Variants in FERMT1 observed in about 807,000 individuals in gnomAD.
The protein encoded by FERMT1 is FERM domain containing kindlin 1, also known as fermitin family homolog 1.
FERMT1 carries 60 observed loss-of-function variants against 85.3 expected under a neutral mutation model. The ratio of observed to expected loss-of-function variants is 0.70; its 90% CI spans 0.57 to 0.87. The LOEUF (loss-of-function observed/expected upper bound fraction) is 0.87, where lower values mean the gene tolerates loss of function less well. Ranked by LOEUF, FERMT1 falls within the 40% of genes least tolerant of loss-of-function variation. The pLI, the probability that FERMT1 is intolerant of heterozygous loss-of-function variation, is 0.00. For missense variants in FERMT1, 701 were observed against 818.9 expected, an observed-to-expected ratio of 0.86 and a Z score of 1.76; for synonymous variants, 275 against 301.1, an observed-to-expected ratio of 0.91 and a Z score of 0.90.
intron 2 of FERMT1, among the ~76,000 whole-genome samples, 177 bp from the exon 3 acceptor site, chr20:6,116,221 A>AG (rs896423459): frequency 8.5e-5 from 13 of 152,238 alleles, no homozygotes; most frequent in Admixed American, 2.6e-4. Context: ...CAAAGTCTCC[A>AG]GGGAAAAAAT....
intron 8 of FERMT1, among the ~76,000 whole-genome samples, chr20:6,095,666 C>T (rs149082278): frequency 6.6e-6 from 1 of 152,256 alleles, no homozygotes; most frequent in East Asian, 1.9e-4. Flanking sequence ...AATTACTTTC[C>T]TGTTGTATTT....
At chr20:6,078,033 C>T (rs1038650094) in intron 14 of FERMT1, among the ~76,000 whole-genome samples, 12 of 152,284 alleles carry the variant, frequency 7.9e-5, no homozygotes, top group East Asian at 5.8e-4. Flanking sequence ...AGCCACTGCC[C>T]GGAACCCTTT....
Position 6,114,648 on chromosome 20 carries a change from T to G in FERMT1, c.385+1163A>C, listed in dbSNP as rs569704507. Reference sequence around the variant, plus strand: ...CAAGACTGCAACTTACATTCTGTAATGAAAGTTTCCATTCATTTGTTCACT... The same window carrying G: ...CAAGACTGCAACTTACATTCTGTAAGGAAAGTTTCCATTCATTTGTTCACT... On this transcript the variant is annotated intron_variant, in intron 3 of 14. Coordinates refer to ENST00000217289, the MANE Select transcript of FERMT1 (RefSeq NM_017671.5). Among the ~76,000 whole-genome samples, 4 of 152,352 alleles carry G rather than the reference T, an allele frequency of 2.6e-5. No individual in the cohort carries two copies. The South Asian group carries it at 8.3e-4, about 32-fold the overall frequency.
intron 4 of FERMT1, among the ~76,000 whole-genome samples, chr20:6,111,522 C>G (rs535890710): frequency 4.0e-4 from 61 of 152,200 alleles, no homozygotes; most frequent in African/African-American, 1.5e-3. Flanking sequence ...ATTCCAGCTA[C>G]TCAGGAGGCT....
At chr20:6,095,295 G>A (rs1982470520) in intron 8 of FERMT1, among the ~76,000 whole-genome samples, 1 of 151,986 alleles carries the variant, frequency 6.6e-6, no homozygotes, top group Admixed American at 6.6e-5. Flanking sequence ...ATACTAATTT[G>A]TTAAGCTGTA....
chr20:6,107,160 C>T (rs1049906782), intron 6 of FERMT1, among the ~76,000 whole-genome samples: 8 of 146,692 alleles, frequency 5.5e-5, no homozygotes, highest in Admixed American at 4.2e-4. Flanking sequence ...CGTGCCACTG[C>T]ACTCCAGCCT....
chr20:6,118,587 T>C (rs935913286), intron 2 of FERMT1, among the ~76,000 whole-genome samples: 3 of 152,050 alleles, frequency 2.0e-5, no homozygotes, highest in Non-Finnish European at 4.4e-5. Context: ...CTAGAGCAAA[T>C]GAAAAGCCCG....
At chr20:6,112,879 C>T (rs557165744) in intron 3 of FERMT1, among the ~76,000 whole-genome samples, 228 of 152,282 alleles carry the variant, frequency 1.5e-3, no homozygotes, top group Non-Finnish European at 1.5e-3. Context: ...AAAAATATTT[C>T]AAATGTATCT....
chr20:6,112,845 A>AT (rs1982994033), intron 3 of FERMT1, among the ~76,000 whole-genome samples: 1 of 152,170 alleles, frequency 6.6e-6, no homozygotes, highest in Non-Finnish European at 1.5e-5. Context: ...GTCTAGTGAA[A>AT]TTTCTGGTTA....
intron 7 of FERMT1, 35 bp from the exon 8 acceptor site, chr20:6,097,068 A>T: frequency 6.2e-7 from 1 of 1,602,774 alleles, no homozygotes; most frequent in Non-Finnish European, 8.5e-7. Flanking sequence ...AAATGTTATA[A>T]ACAGAAATGT....
chr20:6,082,939 C>T (rs1982041523), intron 13 of FERMT1, among the ~76,000 whole-genome samples: 1 of 152,076 alleles, frequency 6.6e-6, no homozygotes, highest in Non-Finnish European at 1.5e-5. Context: ...GGATTACAGG[C>T]GTGAGCCACC....
chr20:6,079,538 T>A lies in FERMT1; in HGVS notation c.1758A>T (p.Ser586=). 1.2e-6 allele frequency: 2 copies of A among 1,614,056 alleles called. No homozygotes were observed. Among genetic ancestry groups the A allele is most frequent in the Non-Finnish European group, 1.7e-6 (2 of 1,179,914 alleles). The change falls in exon 14 of 15, where the codon TCA becomes TCT. Residue 586 remains serine (S), a synonymous_variant. Transcript: ENST00000217289. ...CATCAATTTTAATCAACCTGTTATA[T>A]GAAACTCCCAGAATGTCATCTTTTT... ...GSKKDDILGV[S]YNRLIKIDAA...
At chr20:6,084,253 A>G (rs1414486779) in intron 12 of FERMT1, 89 bp from the exon 13 acceptor site, 2 of 1,416,264 alleles carry the variant, frequency 1.4e-6, no homozygotes, top group East Asian at 2.5e-5. Flanking sequence ...TAAGAACAAT[A>G]CACTCAAGGT....
At chr20:6,081,498 G>T (rs566011264) in intron 13 of FERMT1, among the ~76,000 whole-genome samples, 1 of 152,092 alleles carries the variant, frequency 6.6e-6, no homozygotes, top group Non-Finnish European at 1.5e-5. Flanking sequence ...ACTGAGAGGC[G>T]ACCAATGGAC....
At chr20:6,100,475 T>C (rs927375205) in intron 6 of FERMT1, among the ~76,000 whole-genome samples, 20 of 152,090 alleles carry the variant, frequency 1.3e-4, no homozygotes, top group African/African-American at 4.6e-4. Context: ...TGACCGCTAA[T>C]GGGTATGGAG....
chr20:6,094,526 A>G (rs1377440322), intron 9 of FERMT1, among the ~76,000 whole-genome samples: 1 of 152,202 alleles, frequency 6.6e-6, no homozygotes, highest in African/African-American at 2.4e-5. Context: ...TCCCAGATGG[A>G]ACCTACTAGA....
chr20:6,121,737 A>C (rs886120037), intron 1 of FERMT1, among the ~76,000 whole-genome samples: 3 of 152,238 alleles, frequency 2.0e-5, no homozygotes, highest in African/African-American at 7.2e-5. Context: ...GCTGGAGCCC[A>C]GGTGGAAATC....
intron 6 of FERMT1, among the ~76,000 whole-genome samples, chr20:6,107,006 G>A (rs1207167672): frequency 6.6e-6 from 1 of 152,040 alleles, no homozygotes; most frequent in Non-Finnish European, 1.5e-5. Context: ...GACCAACCTG[G>A]CCAATATAGT....
At chr20:6,093,957 A>C (rs990117343) in intron 9 of FERMT1, 1 of 152,220 alleles carries the variant, frequency 6.6e-6, no homozygotes, top group Non-Finnish European at 1.5e-5. Flanking sequence ...CTCTGTCTCA[A>C]AAAAAGAAGA....
Sources: gnomAD v4.1 joint callset for allele counts (sites outside exome capture counted in the v4.1 genomes callset) on GRCh38, gnomAD v4.1.1 for gene constraint, MANE v1.5 for transcripts, NCBI Gene and HGNC (gene_info 2026-07-23, HGNC 2026-07-21) for gene names.